Variants in NELL1 observed in about 807,000 individuals in gnomAD.
NELL1 encodes the protein protein kinase C-binding protein NELL1.
Under a neutral mutation model 107.4 loss-of-function variants are expected in NELL1, and 76 were observed. The observed-to-expected ratio is 0.71, with a 90% CI of 0.59 to 0.86. The LOEUF is 0.86. Among genes scored for constraint, NELL1 ranks in the 40% least tolerant of loss-of-function variants. The pLI, the probability that NELL1 is intolerant of heterozygous loss-of-function variation, is 0.00. For synonymous variants in NELL1, 353 were observed against 341.2 expected, an observed-to-expected ratio of 1.03 and a Z score of -0.38; for missense variants, 1,024 against 1,005.5, an observed-to-expected ratio of 1.02 and a Z score of -0.25.
chr11:21,312,357 A>G (rs1380245537), intron 14 of NELL1, among the ~76,000 whole-genome samples: 3 of 143,254 alleles, frequency 2.1e-5, no homozygotes, highest in African/African-American at 7.7e-5. Flanking sequence ...TTTTTTTTGT[A>G]TGATAGTTTT....
At chr11:21,533,510 C>T (rs1856048381) in intron 15 of NELL1, among the ~76,000 whole-genome samples, 1 of 152,062 alleles carries the variant, frequency 6.6e-6, no homozygotes, top group Non-Finnish European at 1.5e-5. Context: ...TGAACTGAAC[C>T]CGGTTTAAAA....
intron 12 of NELL1, among the ~76,000 whole-genome samples, chr11:21,083,793 C>T (rs1469063795): frequency 1.3e-5 from 2 of 152,146 alleles, no homozygotes; most frequent in East Asian, 3.8e-4. Context: ...TCCCTCACTG[C>T]ATGTAGTATC....
chr11:20,786,034 A>ATTTTTT (rs758634001), intron 3 of NELL1, among the ~76,000 whole-genome samples: 1 of 104,164 alleles, frequency 9.6e-6, no homozygotes, highest in Non-Finnish European at 2.0e-5. Context: ...AAAACTTCAG[A>ATTTTTT]ATTTTTTTTT....
At chr11:20,870,959 C>G (rs1849184357) in intron 4 of NELL1, among the ~76,000 whole-genome samples, 1 of 152,200 alleles carries the variant, frequency 6.6e-6, no homozygotes, top group African/African-American at 2.4e-5. Context: ...CACAAGTTAT[C>G]CTCTCTGTAA....
At chr11:21,261,544 G>A (rs1480259496) in intron 14 of NELL1, among the ~76,000 whole-genome samples, 2 of 151,756 alleles carry the variant, frequency 1.3e-5, no homozygotes, top group African/African-American at 4.8e-5. Flanking sequence ...ACAAAACTCT[G>A]TGAGGAAGAT....
intron 15 of NELL1, among the ~76,000 whole-genome samples, chr11:21,393,155 G>A (rs1308808042): frequency 2.0e-5 from 3 of 151,656 alleles, no homozygotes; most frequent in African/African-American, 7.3e-5. Flanking sequence ...CATAATTGGG[G>A]TTGAAGGACC....
chr11:20,938,940 CTG>C lies in NELL1; in HGVS notation c.1071+1104_1071+1105del, dbSNP rs1554947463. Among the ~76,000 whole-genome samples the C allele has an allele frequency of 1.9e-3, 108 of 57,386 alleles. 1 individual carries two copies. Among genetic ancestry groups the C allele is most frequent in the Non-Finnish European group, 6.6e-4 (13 of 19,678 alleles). The allele number at this position is 57,386 out of a possible 152,430, so 37.6% of individuals were successfully genotyped here. On this transcript the variant is annotated intron_variant, in intron 10 of 19. Transcript: ENST00000357134. The stretch of plus-strand genomic sequence containing the variant: ...TCTCTCTCTCTCTCTCTCTCTCTCT[CTG>C]TGTGTGTGTGTGTGTGTGTGTGCAT...
At chr11:20,765,926 T>G (rs1226400699) in intron 2 of NELL1, among the ~76,000 whole-genome samples, 2 of 152,234 alleles carry the variant, frequency 1.3e-5, no homozygotes, top group South Asian at 2.1e-4. Context: ...CAGAACTTTT[T>G]TATTTTGCAA....
intron 16 of NELL1, among the ~76,000 whole-genome samples, chr11:21,542,191 G>A (rs1161880655): frequency 6.6e-6 from 1 of 152,054 alleles, no homozygotes; most frequent in African/African-American, 2.4e-5. Context: ...TATCCCCATT[G>A]TAAAGGTGAA....
chr11:21,355,651 T>G (rs1314721537), intron 14 of NELL1, among the ~76,000 whole-genome samples: 1 of 152,230 alleles, frequency 6.6e-6, no homozygotes, highest in East Asian at 1.9e-4. Flanking sequence ...TGTCCATGAT[T>G]GACCACAAGG....
intron 2 of NELL1, among the ~76,000 whole-genome samples, chr11:20,706,529 G>A (rs1854961881): frequency 6.9e-6 from 1 of 145,892 alleles, no homozygotes; most frequent in African/African-American, 2.5e-5. Flanking sequence ...GGGGTTGGGG[G>A]GGAGGGGGGA....
At chr11:21,405,547 G>C (rs2133803415) in intron 15 of NELL1, among the ~76,000 whole-genome samples, 1 of 152,018 alleles carries the variant, frequency 6.6e-6, no homozygotes, top group African/African-American at 2.4e-5. Flanking sequence ...AAGAAAGTTG[G>C]CCAAAACAAA....
At chr11:20,677,000 C>T (rs1469215118) in intron 1 of NELL1, among the ~76,000 whole-genome samples, 1 of 152,168 alleles carries the variant, frequency 6.6e-6, no homozygotes, top group Non-Finnish European at 1.5e-5. Flanking sequence ...ATGAATGAAT[C>T]ATTGCTCAGA....
Position 21,367,261 on chromosome 11 carries a change from TACACACACAC to T in NELL1, c.1550-3560_1550-3551del, listed in dbSNP as rs72275889. Among the ~76,000 whole-genome samples the T allele has an allele frequency of 8.8e-3, 1,280 of 145,016 alleles. 15 individuals carry two copies. The highest frequency in any genetic ancestry group is 0.012 in the Non-Finnish European group (824 of 66,168). ...AATGACAGATTCAGGTTTATCTTAC[TACACACACAC>T]ACACACACACACACACACACACACA... On this transcript the variant is annotated intron_variant, in intron 14 of 19. Coordinates refer to ENST00000357134, the MANE Select transcript of NELL1 (RefSeq NM_006157.5).
chr11:21,292,199 C>T (rs1012056549), intron 14 of NELL1, among the ~76,000 whole-genome samples: 1 of 152,172 alleles, frequency 6.6e-6, no homozygotes, highest in Non-Finnish European at 1.5e-5. Flanking sequence ...CCCAAAATCT[C>T]CTTAACCTAC....
chr11:21,079,581 C>T (rs1021871269), intron 12 of NELL1, among the ~76,000 whole-genome samples: 2 of 151,980 alleles, frequency 1.3e-5, no homozygotes, highest in Non-Finnish European at 1.5e-5. Context: ...ACCACAACTA[C>T]TGAGAAACGT....
At chr11:21,136,952 T>C (rs75547709) in intron 13 of NELL1, among the ~76,000 whole-genome samples, 2,679 of 152,302 alleles carry the variant, frequency 0.018, 82 homozygotes, top group East Asian at 0.12. Flanking sequence ...GCTAGGCGTA[T>C]CCTTAAAGGC....
intron 14 of NELL1, among the ~76,000 whole-genome samples, chr11:21,302,960 C>T (rs1263319387): frequency 6.6e-6 from 1 of 151,802 alleles, no homozygotes; most frequent in Non-Finnish European, 1.5e-5. Flanking sequence ...ACTCAAGAGA[C>T]TGAAGCGGGA....
intron 13 of NELL1, among the ~76,000 whole-genome samples, chr11:21,173,535 G>A (rs1856650793): frequency 6.6e-6 from 1 of 151,798 alleles, no homozygotes; most frequent in Non-Finnish European, 1.5e-5. Context: ...TCCAGGGAAA[G>A]GCAGTGATAG....
Sources: gnomAD v4.1 joint callset for allele counts (sites outside exome capture counted in the v4.1 genomes callset) on GRCh38, gnomAD v4.1.1 for gene constraint, MANE v1.5 for transcripts, NCBI Gene and HGNC (gene_info 2026-07-23, HGNC 2026-07-21) for gene names.